FAM135B: variants seen among roughly 807,000 people sequenced by gnomAD.
The protein encoded by FAM135B is family with sequence similarity 135 member B.
Under a neutral mutation model 127.7 loss-of-function variants are expected in FAM135B, and 43 were observed. That is an observed-to-expected ratio of 0.34 (90% CI 0.26 to 0.43). The LOEUF (loss-of-function observed/expected upper bound fraction) is 0.43. Ranked by LOEUF, FAM135B falls within the 20% of genes least tolerant of loss-of-function variation. The probability of loss-of-function intolerance (pLI) is 1.00; values close to 1 mark genes in which losing one functional copy is unlikely to be tolerated. For missense variants in FAM135B, 1,558 were observed against 1,725.6 expected (o/e 0.90, Z 1.72); for synonymous variants, 670 against 665.1 (o/e 1.01, Z -0.11).
intron 2 of FAM135B, among the ~76,000 whole-genome samples, chr8:138,354,750 C>T (rs527978026): frequency 6.6e-6 from 1 of 152,176 alleles, no homozygotes; most frequent in Admixed American, 6.5e-5. Flanking sequence ...AGGAAAATGA[C>T]CCTGAGGTTT....
At chr8:138,391,009 C>T (rs1832537198) in intron 1 of FAM135B, among the ~76,000 whole-genome samples, 1 of 152,158 alleles carries the variant, frequency 6.6e-6, no homozygotes, top group South Asian at 2.1e-4. Context: ...GTCCAGGAAG[C>T]TACTTCCCAA....
chr8:138,401,769 G>A (rs993507099), intron 1 of FAM135B, among the ~76,000 whole-genome samples: 7 of 152,090 alleles, frequency 4.6e-5, no homozygotes, highest in Non-Finnish European at 1.0e-4. Context: ...GTGACTGATG[G>A]GCAAGAAATA....
intron 2 of FAM135B, among the ~76,000 whole-genome samples, chr8:138,348,224 T>C (rs1211948137): frequency 7.5e-6 from 1 of 134,206 alleles, no homozygotes; most frequent in Non-Finnish European, 1.5e-5. Flanking sequence ...AACCTCCACT[T>C]CCCAGGTTCA....
intron 7 of FAM135B, among the ~76,000 whole-genome samples, chr8:138,236,255 G>T (rs1292249560): frequency 6.6e-6 from 1 of 152,054 alleles, no homozygotes; most frequent in Non-Finnish European, 1.5e-5. Context: ...CCCACTTCTG[G>T]ATATATATCC....
At chr8:138,485,182 G>A (rs1334957518) in intron 1 of FAM135B, among the ~76,000 whole-genome samples, 1 of 152,144 alleles carries the variant, frequency 6.6e-6, no homozygotes, top group Non-Finnish European at 1.5e-5. Flanking sequence ...AGAGTTTACA[G>A]ACTGTAATTT....
intron 18 of FAM135B, among the ~76,000 whole-genome samples, chr8:138,138,585 A>AC (rs1816859738): frequency 6.6e-6 from 1 of 151,886 alleles, no homozygotes; most frequent in African/African-American, 2.4e-5. Context: ...CCTGACAATG[A>AC]CCCCCGTCTC....
intron 3 of FAM135B, among the ~76,000 whole-genome samples, chr8:138,266,570 G>A (rs1482230289): frequency 2.0e-5 from 3 of 149,918 alleles, no homozygotes; most frequent in South Asian, 2.1e-4. Flanking sequence ...TTGGAGATAC[G>A]TGTAAAAAAT....
At position 138,393,631 on chromosome 8, in the gene FAM135B, C is replaced by T. The variant is rs1490892332; in HGVS notation, c.-19-25629G>A. The stretch of plus-strand genomic sequence containing the variant: ...AGTTATAGAGATGTCAATAATAATG[C>T]TGAATGGAAATATAACTGCAGTAGT... On this transcript the variant is annotated intron_variant, in intron 1 of 19. Transcript: ENST00000395297. Among the ~76,000 whole-genome samples the T allele has an allele frequency of 5.3e-5, 8 of 152,192 alleles. No homozygotes were observed. In the East Asian group the frequency reaches 1.5e-3, roughly 29 times the overall value.
At chr8:138,274,193 C>T (rs1823625377) in intron 3 of FAM135B, among the ~76,000 whole-genome samples, 1 of 152,134 alleles carries the variant, frequency 6.6e-6, no homozygotes, top group African/African-American at 2.4e-5. Context: ...CCCCGATATT[C>T]ACGTAGGTTC....
intron 2 of FAM135B, among the ~76,000 whole-genome samples, chr8:138,350,497 A>AACACACACACAC (rs59686476): frequency 2.7e-5 from 4 of 148,060 alleles, no homozygotes; most frequent in African/African-American, 9.9e-5. Flanking sequence ...GGTTTTCTAC[A>AACACACACACAC]ACACACACAC....
At chr8:138,333,942 C>T (rs538825929) in intron 2 of FAM135B, among the ~76,000 whole-genome samples, 11 of 152,122 alleles carry the variant, frequency 7.2e-5, no homozygotes, top group African/African-American at 7.2e-5. Flanking sequence ...GAGGGGGGAA[C>T]GGAGGAGTCT....
At chr8:138,302,141 TTA>T (rs2130849833) in intron 3 of FAM135B, among the ~76,000 whole-genome samples, 1 of 152,032 alleles carries the variant, frequency 6.6e-6, no homozygotes, top group South Asian at 2.1e-4. Flanking sequence ...AGTGTTATTA[TTA>T]TTATTATTAT....
rs975275332 is a variant in FAM135B, at chr8:138,243,441, C to A, written c.543-373G>T. 2.6e-5 allele frequency among the ~76,000 whole-genome samples: 4 copies of A among 152,190 alleles called. No individual in the cohort carries two copies. The highest frequency in any genetic ancestry group is 2.6e-4 in the Admixed American group (4 of 15,276). On this transcript the variant is annotated intron_variant, in intron 6 of 19. Transcript: ENST00000395297. This position sits in a 1 kb window ranked among gnomAD's most constrained non-coding sequence, Gnocchi z 7.5. ...AACTCTGACCAGACAAGGTCTGAGT[C>A]CTGTCCCTGCTCCTTCCACCAACTC...
chr8:138,426,867 T>G (rs1834918324), intron 1 of FAM135B, among the ~76,000 whole-genome samples: 1 of 151,966 alleles, frequency 6.6e-6, no homozygotes, highest in Non-Finnish European at 1.5e-5. Context: ...TAACTCGATT[T>G]CTCCAAAAAT....
intron 1 of FAM135B, among the ~76,000 whole-genome samples, chr8:138,471,566 C>A (rs1339273927): frequency 6.6e-6 from 1 of 151,992 alleles, no homozygotes; most frequent in African/African-American, 2.4e-5. Flanking sequence ...GAGACAGGAA[C>A]CTCAAAGAAG....
At chr8:138,305,641 CT>C (rs1458845112) in intron 3 of FAM135B, among the ~76,000 whole-genome samples, 1 of 152,202 alleles carries the variant, frequency 6.6e-6, no homozygotes, top group East Asian at 1.9e-4. Flanking sequence ...AATACCTGAA[CT>C]CTCACATTCA....
chr8:138,406,632 C>T (rs1007789861), intron 1 of FAM135B, among the ~76,000 whole-genome samples: 2 of 151,972 alleles, frequency 1.3e-5, no homozygotes, highest in Admixed American at 6.6e-5. Context: ...TGTAATCCAG[C>T]ATATAAACAG....
At chr8:138,401,601 C>T (rs978506065) in intron 1 of FAM135B, among the ~76,000 whole-genome samples, 2 of 152,188 alleles carry the variant, frequency 1.3e-5, no homozygotes, top group African/African-American at 2.4e-5. Context: ...ATTTTCTCAG[C>T]CTTCAACAAA....
Position 138,241,657 on chromosome 8 carries a change from C to T in FAM135B, c.669+1285G>A, listed in dbSNP as rs527387743. Among the ~76,000 whole-genome samples the T allele has an allele frequency of 1.4e-4, 21 of 152,210 alleles. No homozygotes were observed. The highest frequency in any genetic ancestry group is 3.9e-4 in the East Asian group (2 of 5,172). Reference sequence around the variant, plus strand: ...ATAGGAGGATAGAACACCTCTTTTGCGGGGCTGACTGGGCATGGACAGTTT... The same window carrying T: ...ATAGGAGGATAGAACACCTCTTTTGTGGGGCTGACTGGGCATGGACAGTTT... On this transcript the variant is annotated intron_variant, in intron 7 of 19. Coordinates refer to ENST00000395297, the MANE Select transcript of FAM135B (RefSeq NM_015912.4). This position sits in a 1 kb window ranked among gnomAD's most constrained non-coding sequence, Gnocchi z 4.8.
Sources: allele counts gnomAD v4.1 joint callset (sites outside exome capture counted in the v4.1 genomes callset), GRCh38; gene constraint gnomAD v4.1.1; non-coding constraint Gnocchi (gnomAD v3.1); transcripts MANE v1.5; gene names NCBI Gene and HGNC (gene_info 2026-07-23, HGNC 2026-07-21).